The following PLEKHA6 variants were observed in gnomAD, a reference collection of about 807,000 sequenced individuals.
PLEKHA6 encodes pleckstrin homology domain containing A6.
PLEKHA6 carries 60 observed loss-of-function variants against 116.7 expected under a neutral mutation model. The observed-to-expected ratio is 0.51, with a 90% CI of 0.42 to 0.64. The LOEUF is 0.64. PLEKHA6 is among the 30% of genes least tolerant of loss of function. PLEKHA6 has a pLI of 0.00. For missense variants in PLEKHA6, 1,338 were observed against 1,422.7 expected (o/e 0.94, Z 0.96); for synonymous variants, 489 against 556.1 (o/e 0.88, Z 1.70).
intron 12 of PLEKHA6, among the ~76,000 whole-genome samples, chr1:204,248,463 C>G (rs1168335073): frequency 6.6e-6 from 1 of 152,206 alleles, no homozygotes. Flanking sequence ...TGGCAGCAGC[C>G]TTTTTGCCAG....
chr1:204,256,114 G>A (rs374763603), intron 9 of PLEKHA6, among the ~76,000 whole-genome samples: 12 of 152,270 alleles, frequency 7.9e-5, no homozygotes, highest in East Asian at 5.8e-4. Context: ...AGGAGCAGCC[G>A]CCTAGCCTCC....
intron 17 of PLEKHA6, among the ~76,000 whole-genome samples, chr1:204,239,235 G>A (rs1348715766): frequency 6.6e-6 from 1 of 152,210 alleles, no homozygotes; most frequent in East Asian, 1.9e-4. Context: ...TGGCAGGGAT[G>A]GGGGTTACAC....
In PLEKHA6 at chr1:204,238,628, G is replaced by A. The variant is rs1209159223; in HGVS notation, c.2409+2747C>T. On this transcript the variant is annotated intron_variant, in intron 17 of 22. Coordinates refer to ENST00000272203, the MANE Select transcript of PLEKHA6 (RefSeq NM_014935.5). The surrounding 1 kb of genome is among the most constrained non-coding windows in gnomAD (Gnocchi z 4.2). ...GCACAAGTAAGTTACATGAGGAAGTGGCTCAAATGCCCATGGCCTCCACTC... is the reference window on the plus strand; with the variant it reads ...GCACAAGTAAGTTACATGAGGAAGTAGCTCAAATGCCCATGGCCTCCACTC... 6.6e-6 allele frequency among the ~76,000 whole-genome samples: 1 copy of A among 152,162 alleles called. No individual in the cohort carries two copies. The highest frequency in any genetic ancestry group is 1.5e-5 in the Non-Finnish European group (1 of 68,028).
At chr1:204,254,988 C>T (rs1316672765) in intron 9 of PLEKHA6, among the ~76,000 whole-genome samples, 6 of 152,184 alleles carry the variant, frequency 3.9e-5, no homozygotes, top group Non-Finnish European at 7.3e-5. Flanking sequence ...CCACTGCTTG[C>T]AGCTCATGGA....
rs189829850 is a variant in PLEKHA6 at position 204,324,423 on chromosome 1, G to A, written c.-95+35271C>T. ...ATAAGCCCTTTATGGGATAGGATAC[G>A]AAGGGCAGGGCTGGGCAATAGGAAA... On this transcript the variant is annotated intron_variant, in intron 1 of 22. Transcript: ENST00000272203. Among the ~76,000 whole-genome samples, 22 of 152,294 alleles carry A rather than the reference G, an allele frequency of 1.4e-4. No homozygotes were observed. The East Asian group carries it at 4.1e-3, about 28-fold the overall frequency.
At chr1:204,260,292 C>T (rs1665939997) in intron 7 of PLEKHA6, among the ~76,000 whole-genome samples, 1 of 152,202 alleles carries the variant, frequency 6.6e-6, no homozygotes, top group Non-Finnish European at 1.5e-5. Context: ...TGAGATAAAA[C>T]ATGGCGGGCA....
chr1:204,265,908 C>T (rs1666753108), intron 5 of PLEKHA6, among the ~76,000 whole-genome samples: 1 of 152,070 alleles, frequency 6.6e-6, no homozygotes, highest in African/African-American at 2.4e-5. Context: ...CCAGTTGGGC[C>T]CCAGCTGGAA....
chr1:204,367,076 G>A (rs1485597353), intron 3 of PLEKHA6, among the ~76,000 whole-genome samples: 2 of 152,216 alleles, frequency 1.3e-5, no homozygotes, highest in Admixed American at 1.3e-4. Flanking sequence ...CCTCACCCTT[G>A]CGAATGAAAC....
chr1:204,321,967 T>G (rs1672078501), intron 1 of PLEKHA6, among the ~76,000 whole-genome samples: 1 of 152,206 alleles, frequency 6.6e-6, no homozygotes. Flanking sequence ...CTTCTCTCCC[T>G]TAGCAGGAGA....
chr1:204,261,189 C>T lies in PLEKHA6; in HGVS notation c.524+117G>A. The stretch of plus-strand genomic sequence containing the variant: ...CCTGGATGCAAGGAGACGGCTCACA[C>T]ATTCTCCAGGGCTTCAAGTAGGCAC... On this transcript the variant is annotated intron_variant, in intron 7 of 22. Coordinates refer to ENST00000272203, the MANE Select transcript of PLEKHA6 (RefSeq NM_014935.5). The surrounding 1 kb of genome is among the most constrained non-coding windows in gnomAD (Gnocchi z 4.0). 6 of 1,260,642 alleles carry T rather than the reference C, an allele frequency of 4.8e-6. No individual in the cohort carries two copies. The highest frequency in any genetic ancestry group is 6.9e-6 in the Non-Finnish European group (6 of 869,026). 78.1% of individuals were successfully genotyped at this position (1,260,642 alleles called of 1,614,324 possible). A position where few individuals can be genotyped will look rare whatever the true frequency, so the allele number is the denominator to read the frequency against.
chr1:204,334,444 C>T (rs1047828117), intron 1 of PLEKHA6, among the ~76,000 whole-genome samples: 11 of 152,186 alleles, frequency 7.2e-5, no homozygotes, highest in African/African-American at 2.7e-4. Context: ...TCATTCCAAA[C>T]TTGGTCTTTT....
intron 9 of PLEKHA6, among the ~76,000 whole-genome samples, chr1:204,251,936 G>C (rs1237862019): frequency 6.6e-6 from 1 of 152,050 alleles, no homozygotes; most frequent in Non-Finnish European, 1.5e-5. Flanking sequence ...TCCCTGCCCT[G>C]ATCTCATTTC....
intron 1 of PLEKHA6, among the ~76,000 whole-genome samples, chr1:204,299,422 G>A (rs927876945): frequency 6.6e-6 from 1 of 152,168 alleles, no homozygotes. Flanking sequence ...AGAGCCCCTG[G>A]GATGTTTAAG....
At chr1:204,249,389 C>T (rs554077440) in intron 10 of PLEKHA6, 125 bp from the exon 11 acceptor site, 2 of 696,142 alleles carry the variant, frequency 2.9e-6, no homozygotes, top group East Asian at 2.6e-5. Flanking sequence ...GCTGAGGAAC[C>T]CTGGGCCTTC....
Position 204,238,871 on chromosome 1 carries a change from AC to A in PLEKHA6, c.2409+2503del, listed in dbSNP as rs1308211216. On this transcript the variant is annotated intron_variant, in intron 17 of 22. Coordinates refer to ENST00000272203, the MANE Select transcript of PLEKHA6 (RefSeq NM_014935.5). This position sits in a 1 kb window ranked among gnomAD's most constrained non-coding sequence, Gnocchi z 4.2. The stretch of plus-strand genomic sequence containing the variant: ...AAGGGAAATCTTCCCAGTGGGCAGA[AC>A]TTCAAGCAGTGCACCTGGCTGTGCA... Among the ~76,000 whole-genome samples, 1 of 152,244 alleles carries A rather than the reference AC, an allele frequency of 6.6e-6. No individual in the cohort carries two copies. Among genetic ancestry groups the A allele is most frequent in the Non-Finnish European group, 1.5e-5 (1 of 68,048 alleles).
chr1:204,315,457 C>T (rs371494451), intron 1 of PLEKHA6, among the ~76,000 whole-genome samples: 59 of 152,332 alleles, frequency 3.9e-4, no homozygotes, highest in African/African-American at 1.3e-3. Context: ...GCTCTGGCAG[C>T]GTCATTCCCC....
chr1:204,276,213 A>G (rs1311031881), intron 1 of PLEKHA6, among the ~76,000 whole-genome samples: 1 of 152,184 alleles, frequency 6.6e-6, no homozygotes, highest in Non-Finnish European at 1.5e-5. Context: ...CAGTGCCTAC[A>G]GTCTATGTGG....
intron 9 of PLEKHA6, among the ~76,000 whole-genome samples, chr1:204,253,847 AAAAC>A (rs542472379): frequency 0.15 from 19,555 of 133,076 alleles, 1,304 homozygotes; most frequent in East Asian, 0.28. Flanking sequence ...AAAAAAAAAA[AAAAC>A]AAAAACAAAA....
intron 1 of PLEKHA6, among the ~76,000 whole-genome samples, chr1:204,355,168 C>A (rs1287861766): frequency 6.6e-6 from 1 of 152,196 alleles, no homozygotes; most frequent in East Asian, 1.9e-4. Flanking sequence ...GACGATTATA[C>A]CTGTCTTCAG....
Sources: allele counts gnomAD v4.1 joint callset (sites outside exome capture counted in the v4.1 genomes callset), GRCh38; gene constraint gnomAD v4.1.1; non-coding constraint Gnocchi (gnomAD v3.1); transcripts MANE v1.5; gene names NCBI Gene and HGNC (gene_info 2026-07-23, HGNC 2026-07-21).